The following CDC16 variants were observed in gnomAD, a reference collection of about 807,000 sequenced individuals.
CDC16 encodes cell division cycle 16, also known as cell division cycle protein 16 homolog.
A neutral mutation model predicts 87.0 loss-of-function variants in CDC16; 34 were observed. That is an observed-to-expected ratio of 0.39 (90% confidence interval 0.30 to 0.52). The LOEUF is 0.52. CDC16 is among the 20% of genes least tolerant of loss of function. The pLI is 0.74. For missense variants in CDC16, 653 were observed against 751.9 expected (o/e 0.87, Z 1.54); for synonymous variants, 263 against 260.6 (o/e 1.01, Z -0.09).
At chr13:114,236,178 G>A (rs2081242382) in intron 1 of CDC16, among the ~76,000 whole-genome samples, 1 of 152,146 alleles carries the variant, frequency 6.6e-6, no homozygotes, top group Admixed American at 6.5e-5. Context: ...GTTAATTTAT[G>A]TGTGTGTGTT....
Position 114,234,988 on chromosome 13 carries a change from G to GCGGCGA in CDC16, c.-96_-95insGGCGAC. The GCGGCGA allele has an allele frequency of 9.8e-7, 1 of 1,019,468 alleles. No individual in the cohort carries two copies. Among genetic ancestry groups the GCGGCGA allele is most frequent in the Non-Finnish European group, 1.3e-6 (1 of 791,324 alleles). The allele number at this position is 1,019,468 out of a possible 1,614,324, so 63.2% of individuals were successfully genotyped here. A position where few individuals can be genotyped will look rare whatever the true frequency, so the allele number is the denominator to read the frequency against. The stretch of plus-strand genomic sequence containing the variant: ...TTCGAGTCCTGGGGCGGCGGCGGCG[G>GCGGCGA]CTGCAGGCACGGGCACGGGCACGGG... On this transcript the variant is annotated 5_prime_UTR_variant, in exon 1 of 18. Transcript: ENST00000356221.
chr13:114,271,380 T>C (rs17291619), intron 17 of CDC16, among the ~76,000 whole-genome samples: 3,728 of 152,336 alleles, frequency 0.024, 159 homozygotes, highest in African/African-American at 0.085. Flanking sequence ...TGTTCAAATC[T>C]ATATTACCCT....
Position 114,243,982 on chromosome 13 carries a change from ACTT to A in CDC16, c.763_765del (p.Ser255del). 1 of 1,607,894 alleles carries A rather than the reference ACTT, an allele frequency of 6.2e-7. No individual in the cohort carries two copies. Among genetic ancestry groups the A allele is most frequent in the African/African-American group, 1.3e-5 (1 of 74,916 alleles). On this transcript the variant is annotated inframe_deletion, in exon 8 of 18. Transcript: ENST00000356221. ...TGATTTTAAAATGTGCTACAAGCTT[ACTT>A]CTGTGTAAGTATATCCATCCATTTT... is the stretch of plus-strand genomic sequence containing the variant.
chr13:114,250,726 G>C (rs1458651969), intron 12 of CDC16, 52 bp downstream of exon 12: 1 of 1,582,054 alleles, frequency 6.3e-7, no homozygotes, highest in Admixed American at 1.8e-5. Context: ...TTTCCTAATA[G>C]AAATGAAATT....
chr13:114,255,862 G>A (rs2082464025), intron 12 of CDC16, among the ~76,000 whole-genome samples: 1 of 152,146 alleles, frequency 6.6e-6, no homozygotes, highest in Non-Finnish European at 1.5e-5. Context: ...AAACTCCTGG[G>A]CTCAAGCATT....
intron 14 of CDC16, among the ~76,000 whole-genome samples, chr13:114,261,467 T>G (rs1036652474): frequency 1.3e-5 from 2 of 151,982 alleles, no homozygotes; most frequent in Admixed American, 1.3e-4. Flanking sequence ...ATTCACTGAC[T>G]GGAGGGGCAC....
chr13:114,240,616 C>T (rs1364047461), intron 5 of CDC16, among the ~76,000 whole-genome samples: 1 of 152,172 alleles, frequency 6.6e-6, no homozygotes, highest in Non-Finnish European at 1.5e-5. Flanking sequence ...CCTTAGTTTC[C>T]CAAAGTGTTG....
In CDC16 at chr13:114,255,506, T is replaced by G. The variant is rs868093687; in HGVS notation, c.1098-1572T>G. On this transcript the variant is annotated intron_variant, in intron 12 of 17. Coordinates refer to ENST00000356221, the MANE Select transcript of CDC16 (RefSeq NM_001078645.3). ...TCAAAATGTTCCAGAAGCCCAAACT[T>G]TTTGAGCACTGTCATGACACTCAAA... Among the ~76,000 whole-genome samples the G allele has an allele frequency of 2.7e-4, 41 of 152,242 alleles. No homozygotes were observed. The Middle Eastern group carries it at 0.01, about 38-fold the overall frequency.
intron 12 of CDC16, among the ~76,000 whole-genome samples, chr13:114,251,515 A>G (rs2082176048): frequency 2.0e-5 from 3 of 152,156 alleles, no homozygotes; most frequent in Non-Finnish European, 1.5e-5. Context: ...TCTGTATTGA[A>G]TGTCATCCTG....
In CDC16 at chr13:114,262,926, T is replaced by C. The variant is rs1366355107; in HGVS notation, c.1424T>C (p.Ile475Thr). 1.2e-6 allele frequency: 2 copies of C among 1,613,994 alleles called. No individual in the cohort carries two copies. The highest frequency in any genetic ancestry group is 1.7e-6 in the Non-Finnish European group (2 of 1,179,950). Residue 475 changes from isoleucine (I) to threonine (T), a missense_variant, in exon 16 of 18, where the codon ATT becomes ACT. By Grantham distance (89) the Ile-to-Thr change is moderately conservative (BLOSUM62 -1). Transcript: ENST00000356221. ...TACCACCGTCAGGCACTGGTGTTGA[T>C]TCCTCAGAACGCATCCACCTACTCT... is the stretch of plus-strand genomic sequence containing the variant. Reference protein sequence around the residue: ...LDYHRQALVLIPQNASTYSAI... With the variant: ...LDYHRQALVLTPQNASTYSAI...
At position 114,259,929 on chromosome 13, in the gene CDC16, G is replaced by A. The variant is rs925632561; in HGVS notation, c.1314+531G>A. Among the ~76,000 whole-genome samples, 6 of 152,180 alleles carry A rather than the reference G, an allele frequency of 3.9e-5. No individual in the cohort carries two copies. The East Asian group carries it at 7.7e-4, about 20-fold the overall frequency. ...CTGCTTCTGTTGTATGAACGATCCC[G>A]TGAATTGGTGCTTATGAGTTAACCT... On this transcript the variant is annotated intron_variant, in intron 14 of 17. Transcript: ENST00000356221.
intron 12 of CDC16, among the ~76,000 whole-genome samples, chr13:114,252,530 C>T (rs2082253875): frequency 6.6e-6 from 1 of 152,150 alleles, no homozygotes; most frequent in South Asian, 2.1e-4. Flanking sequence ...CATACTCAGT[C>T]CAGGTCTCTC....
intron 12 of CDC16, among the ~76,000 whole-genome samples, chr13:114,251,141 T>TG (rs902303478): frequency 6.6e-6 from 1 of 152,198 alleles, no homozygotes; most frequent in African/African-American, 2.4e-5. Flanking sequence ...TCACATTGAC[T>TG]GTTTGGTCTC....
At chr13:114,269,057 G>A (rs1409509545) in intron 17 of CDC16, among the ~76,000 whole-genome samples, 3 of 144,968 alleles carry the variant, frequency 2.1e-5, no homozygotes, top group East Asian at 3.8e-4. Flanking sequence ...AACCAACAAC[G>A]TGTTATTTTT....
chr13:114,271,848 AG>A (rs1728242321), intron 17 of CDC16, among the ~76,000 whole-genome samples: 2 of 152,260 alleles, frequency 1.3e-5, no homozygotes, highest in South Asian at 4.1e-4. Flanking sequence ...CGTATTTAGG[AG>A]GCCTTGGAAA....
intron 12 of CDC16, among the ~76,000 whole-genome samples, chr13:114,256,264 T>G (rs1171143713): frequency 1.3e-5 from 2 of 152,226 alleles, no homozygotes; most frequent in African/African-American, 4.8e-5. Context: ...CTTCTATGGA[T>G]GAATAGATTT....
At chr13:114,247,791 G>A (rs774039463) in intron 11 of CDC16, among the ~76,000 whole-genome samples, 4 of 152,052 alleles carry the variant, frequency 2.6e-5, no homozygotes, top group Non-Finnish European at 5.9e-5. Context: ...CAGGAGAATC[G>A]CTTGAACCTG....
intron 16 of CDC16, among the ~76,000 whole-genome samples, chr13:114,263,439 G>T (rs2082975312): frequency 6.6e-6 from 1 of 152,176 alleles, no homozygotes; most frequent in South Asian, 2.1e-4. Context: ...TCAAATTTAA[G>T]ACACCATGAG....
intron 13 of CDC16, 51 bp downstream of exon 13, chr13:114,257,281 C>G (rs2139069601): frequency 1.5e-6 from 2 of 1,310,324 alleles, no homozygotes; most frequent in Non-Finnish European, 2.1e-6. Context: ...ATTGTAAATA[C>G]AGTAGGTGAT....
Sources: allele counts gnomAD v4.1 joint callset (sites outside exome capture counted in the v4.1 genomes callset), GRCh38; gene constraint gnomAD v4.1.1; transcripts MANE v1.5; gene names NCBI Gene and HGNC (gene_info 2026-07-23, HGNC 2026-07-21).